The following HYOU1 variants were observed in gnomAD, a reference collection of about 807,000 sequenced individuals.
HYOU1 encodes hypoxia up-regulated protein 1.
A neutral mutation model predicts 120.5 loss-of-function variants in HYOU1; 40 were observed. The ratio of observed to expected loss-of-function variants is 0.33; its 90% CI spans 0.26 to 0.43. The LOEUF is 0.43. Among genes scored for constraint, HYOU1 ranks in the 20% least tolerant of loss-of-function variants. The pLI is 1.00. For missense variants in HYOU1, 1,085 were observed against 1,278.3 expected, an observed-to-expected ratio of 0.85 and a Z score of 2.31; for synonymous variants, 501 against 479.4, an observed-to-expected ratio of 1.05 and a Z score of -0.59.
rs2133552166 is a variant in HYOU1, at chr11:119,046,659, C to T, written c.2739G>A (p.Lys913=). ...QYLLNKAKFT[K]PRPRPKDKNG... is the part of the protein sequence containing the mutation. ...TCTTGTCCTTAGGCCGGGGCCGGGG[C>T]TTGGTAAACTTGGCCTTATTGAGCA... Residue 913 remains lysine (K), a synonymous_variant, in exon 23 of 26, where the codon AAG becomes AAA. Transcript: ENST00000617285. 5.0e-6 allele frequency: 8 copies of T among 1,614,182 alleles called. No individual in the cohort carries two copies. The Admixed American group carries it at 1.3e-4, about 27-fold the overall frequency.
In HYOU1 at chr11:119,048,893, G is replaced by A. The variant is rs1944245310; in HGVS notation, c.1993-7C>T. On this transcript the variant is annotated splice_region_variant and splice_polypyrimidine_tract_variant and intron_variant, in intron 17 of 25. Transcript: ENST00000617285. The surrounding 1 kb of genome is among the most constrained non-coding windows in gnomAD (Gnocchi z 4.7). ...CTGCCTTCTCACTTGGTTTCTGGGT[G>A]GGAAGAGTCAGGGGTGTCAGGAAAA... 6.2e-7 allele frequency: 1 copy of A among 1,604,852 alleles called. No homozygotes were observed. Among genetic ancestry groups the A allele is most frequent in the African/African-American group, 1.3e-5 (1 of 74,412 alleles).
In HYOU1 at chr11:119,046,315, T is replaced by A. The variant is rs2133549143; in HGVS notation, c.2887+102A>T. 9 of 986,588 alleles carry A rather than the reference T, an allele frequency of 9.1e-6. No individual in the cohort carries two copies. In the African/African-American group the frequency reaches 1.3e-4, roughly 14 times the overall value. The allele number at this position is 986,588 out of a possible 1,614,324, so 61.1% of individuals were successfully genotyped here. On this transcript the variant is annotated intron_variant, in intron 24 of 25. Coordinates refer to ENST00000617285, the MANE Select transcript of HYOU1 (RefSeq NM_006389.5). ...CAACCCTTTAAAAACGCAAAGGCCA[T>A]TCAAGCTCATGGGCTGTCTAGAAAC... is the stretch of plus-strand genomic sequence containing the variant.
In HYOU1 at chr11:119,051,114, T is replaced by C. The variant is rs2133582726; in HGVS notation, c.1586A>G (p.Lys529Arg). The C allele has an allele frequency of 9.9e-6, 16 of 1,614,106 alleles. No individual in the cohort carries two copies. The highest frequency in any genetic ancestry group is 1.7e-5 in the Admixed American group (1 of 60,008). The change falls in exon 14 of 26, where the codon AAG becomes AGG. Residue 529 changes from lysine (K) to arginine (R), a missense_variant. By Grantham distance (26) the Lys-to-Arg change is conservative. Around this residue, in one of 4 missense-constraint regions of HYOU1, gnomAD observed 515 missense variants for 677.8 expected, o/e 0.76. Transcript: ENST00000617285. This position sits in a 1 kb window ranked among gnomAD's most constrained non-coding sequence, Gnocchi z 4.2. ...CTTGGACTCGTAGTCAGGATACTTC[T>C]TGAAGCTGTCACCCACCCCTTTTAG... ...VKLKGVGDSF[K>R]KYPDYESKGI...
chr11:119,047,030 G>C, intron 22 of HYOU1: 2 of 537,220 alleles, frequency 3.7e-6, no homozygotes, highest in Admixed American at 3.4e-5. Context: ...ACTCTGGAGT[G>C]ACTACAACTG....
rs1354468572 is a variant in HYOU1, at chr11:119,055,743, C to T, written c.185+7G>A. ...TTCCCCACCCTTAACACGGGGGCCA[C>T]CCTCACTTATTCAAGACAATTTCCA... On this transcript the variant is annotated splice_region_variant and intron_variant, in intron 3 of 25. Transcript: ENST00000617285. The surrounding 1 kb of genome is among the most constrained non-coding windows in gnomAD (Gnocchi z 4.0). 1 of 1,612,076 alleles carries T rather than the reference C, an allele frequency of 6.2e-7. No individual in the cohort carries two copies. Among genetic ancestry groups the T allele is most frequent in the Non-Finnish European group, 8.5e-7 (1 of 1,178,162 alleles).
chr11:119,054,468 G>A (rs976898291), intron 7 of HYOU1, 26 bp downstream of exon 7: 2 of 1,610,626 alleles, frequency 1.2e-6, no homozygotes, highest in Non-Finnish European at 1.7e-6. Context: ...CACCCTGCAT[G>A]TCTGGTCAAG....
Position 119,052,221 on chromosome 11 carries a change from C to T in HYOU1, c.1123-49G>A, listed in dbSNP as rs2133591318. 1.2e-6 allele frequency: 2 copies of T among 1,613,952 alleles called. No homozygotes were observed. The highest frequency in any genetic ancestry group is 1.7e-6 in the Non-Finnish European group (2 of 1,179,810). On this transcript the variant is annotated intron_variant, in intron 10 of 25. Coordinates refer to ENST00000617285, the MANE Select transcript of HYOU1 (RefSeq NM_006389.5). This position sits in a 1 kb window ranked among gnomAD's most constrained non-coding sequence, Gnocchi z 5.0. ...TGCAACAGCATGCAGTTAGCACTGA[C>T]TCGTCCCTTGACGTCCCATGGGTTT...
chr11:119,052,306 C>G lies in HYOU1; in HGVS notation c.1111G>C (p.Glu371Gln), dbSNP rs201660855. Residue 371 changes from glutamate to glutamine, a missense_variant, in exon 10 of 26, where the codon GAA becomes CAA. Coordinates refer to ENST00000617285, the MANE Select transcript of HYOU1 (RefSeq NM_006389.5). The surrounding 1 kb of genome is among the most constrained non-coding windows in gnomAD (Gnocchi z 5.0). ...CCCTACTCGCTCACCAGACTCATTT[C>G]GGCACTCTGGAGGGCCTGCTGTACA... ...GPVQQALQSAEMSLDEIEQVI... is the reference protein window; with the variant it reads ...GPVQQALQSAQMSLDEIEQVI... 1.8e-4 allele frequency: 290 copies of G among 1,614,226 alleles called. 2 individuals are homozygous for G. In the East Asian group the frequency reaches 5.0e-3, roughly 28 times the overall value.
chr11:119,054,461 C>T, intron 7 of HYOU1, 33 bp downstream of exon 7: 4 of 1,606,120 alleles, frequency 2.5e-6, no homozygotes, highest in Non-Finnish European at 3.4e-6. Context: ...ATTCAGTCAC[C>T]CTGCATGTCT....
Position 119,056,572 on chromosome 11 carries a change from C to A in HYOU1, c.-7-405G>T, listed in dbSNP as rs138496878. ...CACCTCCCCACACCTGGAGCTCCCCCGCTGACGGGGAAAGCCAGCTGGGCC... is the reference window on the plus strand; with the variant it reads ...CACCTCCCCACACCTGGAGCTCCCCAGCTGACGGGGAAAGCCAGCTGGGCC... On this transcript the variant is annotated intron_variant, in intron 1 of 25. Transcript: ENST00000617285. Among the ~76,000 whole-genome samples, 338 of 152,386 alleles carry A rather than the reference C, an allele frequency of 2.2e-3. 8 individuals carry two copies. The East Asian group carries it at 0.041, about 19-fold the overall frequency.
chr11:119,055,546 T>A lies in HYOU1; in HGVS notation c.211A>T (p.Ile71Phe). Residue 71 changes from isoleucine to phenylalanine, a missense_variant, in exon 4 of 26, where the codon ATC becomes TTC. Ile to Phe is a conservative substitution (Grantham distance 21). Around this residue, in one of 4 missense-constraint regions of HYOU1, gnomAD observed 515 missense variants for 677.8 expected, o/e 0.76. Transcript: ENST00000617285. The surrounding 1 kb of genome is among the most constrained non-coding windows in gnomAD (Gnocchi z 4.0). ...NKESRRKTPV[I>F]VTLKENERFF... ...CTTTCATTTTCTTTCAGGGTCACGA[T>A]CACCGGTGTTTTCCTCCGAGATTCC... 6.2e-7 allele frequency: 1 copy of A among 1,614,018 alleles called. No individual in the cohort carries two copies. The highest frequency in any genetic ancestry group is 1.1e-5 in the South Asian group (1 of 91,072).
Position 119,048,628 on chromosome 11 carries a change from G to C in HYOU1, c.2166-65C>G. ...AGTGAGAACTTGAGACTCTGGGTCCGACAGCCCTCCCTCCCAGGGCGCCAT... is the reference window on the plus strand; with the variant it reads ...AGTGAGAACTTGAGACTCTGGGTCCCACAGCCCTCCCTCCCAGGGCGCCAT... On this transcript the variant is annotated intron_variant, in intron 18 of 25. Coordinates refer to ENST00000617285, the MANE Select transcript of HYOU1 (RefSeq NM_006389.5). The surrounding 1 kb of genome is among the most constrained non-coding windows in gnomAD (Gnocchi z 4.7). The C allele has an allele frequency of 1.2e-6, 2 of 1,607,810 alleles. No individual in the cohort carries two copies. Among genetic ancestry groups the C allele is most frequent in the Non-Finnish European group, 1.7e-6 (2 of 1,176,008 alleles).
Position 119,044,984 on chromosome 11 carries a change from G to T in HYOU1, c.*609C>A, listed in dbSNP as rs142031204. On this transcript the variant is annotated 3_prime_UTR_variant, in exon 26 of 26. Coordinates refer to ENST00000617285, the MANE Select transcript of HYOU1 (RefSeq NM_006389.5). Reference sequence around the variant, plus strand: ...CCAGAGGTACAGGCTTTTAGGCAAGGGGCAGAGAACTGCCCAATTTGCTGC... The same window carrying T: ...CCAGAGGTACAGGCTTTTAGGCAAGTGGCAGAGAACTGCCCAATTTGCTGC... 535 of 403,982 alleles carry T rather than the reference G, an allele frequency of 1.3e-3. 5 individuals are homozygous for T. Among genetic ancestry groups the T allele is most frequent in the African/African-American group, 0.01 (498 of 48,686 alleles). 25.0% of individuals were successfully genotyped at this position (403,982 alleles called of 1,614,324 possible).
Position 119,051,124 on chromosome 11 carries a change from C to T in HYOU1, c.1576G>A (p.Asp526Asn), listed in dbSNP as rs1944412694. 3.7e-6 allele frequency: 6 copies of T among 1,614,080 alleles called. No individual in the cohort carries two copies. The South Asian group carries it at 6.6e-5, about 18-fold the overall frequency. Residue 526 changes from aspartate (D) to asparagine (N), a missense_variant, in exon 14 of 26, where the codon GAC (aspartate) becomes AAC (asparagine). Coordinates refer to ENST00000617285, the MANE Select transcript of HYOU1 (RefSeq NM_006389.5). The surrounding 1 kb of genome is among the most constrained non-coding windows in gnomAD (Gnocchi z 4.2). ...TAGTCAGGATACTTCTTGAAGCTGT[C>T]ACCCACCCCTTTTAGCTTCACTGTG... is the stretch of plus-strand genomic sequence containing the variant. ...LTTVKLKGVG[D>N]SFKKYPDYES...
Position 119,055,111 on chromosome 11 carries a change from G to A in HYOU1, c.420-51C>T. On this transcript the variant is annotated intron_variant, in intron 5 of 25. Coordinates refer to ENST00000617285, the MANE Select transcript of HYOU1 (RefSeq NM_006389.5). The surrounding 1 kb of genome is among the most constrained non-coding windows in gnomAD (Gnocchi z 4.0). ...CCAAGGAAAGCCAGGCATTAAGGCA[G>A]GACAATCAGGAACACACACCAATGA... The A allele has an allele frequency of 6.2e-7, 1 of 1,613,370 alleles. No homozygotes were observed. Among genetic ancestry groups the A allele is most frequent in the South Asian group, 1.1e-5 (1 of 91,060 alleles).
In HYOU1 at chr11:119,048,962, G is replaced by A; in HGVS notation, c.1992+56C>T. 6.2e-7 allele frequency: 1 copy of A among 1,611,388 alleles called. No individual in the cohort carries two copies. The highest frequency in any genetic ancestry group is 8.5e-7 in the Non-Finnish European group (1 of 1,178,564). On this transcript the variant is annotated intron_variant, in intron 17 of 25. Transcript: ENST00000617285. The surrounding 1 kb of genome is among the most constrained non-coding windows in gnomAD (Gnocchi z 4.7). ...TCTCCACAAGGCCAGAAACAAGGCA[G>A]GCGCCTGCTCCCTTAGCCTCTGGAT... is the stretch of plus-strand genomic sequence containing the variant.
At chr11:119,056,344 C>G (rs985871491) in intron 1 of HYOU1, 177 bp from the exon 2 acceptor site, 1 of 679,016 alleles carries the variant, frequency 1.5e-6, no homozygotes, top group African/African-American at 1.8e-5. Flanking sequence ...CTCTAATCAT[C>G]CCAGCAGCGC....
rs1270274832 is a variant in HYOU1, at chr11:119,052,889, C to G, written c.795-60G>C. Reference sequence around the variant, plus strand: ...AACACATGGAGTCCCCGCATCTGCACAGGAGCCTCTCATCCCCACATGGCA... The same window carrying G: ...AACACATGGAGTCCCCGCATCTGCAGAGGAGCCTCTCATCCCCACATGGCA... On this transcript the variant is annotated intron_variant, in intron 8 of 25. Transcript: ENST00000617285. This position sits in a 1 kb window ranked among gnomAD's most constrained non-coding sequence, Gnocchi z 5.0. The G allele has an allele frequency of 6.8e-7, 1 of 1,473,804 alleles. No homozygotes were observed. The highest frequency in any genetic ancestry group is 9.2e-7 in the Non-Finnish European group (1 of 1,088,590). The allele number at this position is 1,473,804 out of a possible 1,614,324, so 91.3% of individuals were successfully genotyped here.
chr11:119,049,934 C>T (rs1157366682), intron 14 of HYOU1, 97 bp from the exon 15 acceptor site: 3 of 1,049,812 alleles, frequency 2.9e-6, no homozygotes, highest in Non-Finnish European at 3.0e-6. Context: ...ACACTCCATG[C>T]CGTCACAGGC....
Sources: gnomAD v4.1 joint callset for allele counts (sites outside exome capture counted in the v4.1 genomes callset) on GRCh38, gnomAD v4.1.1 for gene constraint, gnomAD v4.1.1 regional missense constraint, Gnocchi (gnomAD v3.1) non-coding constraint, MANE v1.5 for transcripts, NCBI Gene and HGNC (gene_info 2026-07-23, HGNC 2026-07-21) for gene names.